MTG2: variants seen among roughly 807,000 people sequenced by gnomAD.
MTG2 encodes the protein mitochondrial ribosome-associated GTPase 2.
Under a neutral mutation model 28.6 loss-of-function variants are expected in MTG2, and 23 were observed. That is an observed-to-expected ratio of 0.80 (90% confidence interval 0.58 to 1.14). MTG2 has a LOEUF of 1.14. Ranked by LOEUF, MTG2 falls within the 50% of genes most tolerant of loss-of-function variation. The pLI is 0.00. For missense variants in MTG2, 539 were observed against 552.0 expected, an observed-to-expected ratio of 0.98 and a Z score of 0.24; for synonymous variants, 260 against 251.8, an observed-to-expected ratio of 1.03 and a Z score of -0.31.
chr20:62,186,631 C>T (rs979936984), intron 1 of MTG2, among the ~76,000 whole-genome samples: 11 of 149,314 alleles, frequency 7.4e-5, no homozygotes, highest in Non-Finnish European at 1.3e-4. Context: ...CAGGTTCAAG[C>T]GATTCTCCTG....
chr20:62,192,581 C>T (rs1403527800), intron 1 of MTG2, among the ~76,000 whole-genome samples: 1 of 152,036 alleles, frequency 6.6e-6, no homozygotes, highest in Non-Finnish European at 1.5e-5. Flanking sequence ...GGGGTGGGGC[C>T]GAAAGGTCCA....
Position 62,201,173 on chromosome 20 carries a change from G to C in MTG2, c.*96G>C. 2 of 1,396,670 alleles carry C rather than the reference G, an allele frequency of 1.4e-6. No individual in the cohort carries two copies. Among genetic ancestry groups the C allele is most frequent in the South Asian group, 1.5e-5 (1 of 67,412 alleles). The allele number at this position is 1,396,670 out of a possible 1,614,324, so 86.5% of individuals were successfully genotyped here. On this transcript the variant is annotated 3_prime_UTR_variant, in exon 7 of 7. Coordinates refer to ENST00000370823, the MANE Select transcript of MTG2 (RefSeq NM_015666.4). ...TGCATAAAGTGCCTTGTGGACACGG[G>C]GGAGTTGTGGTGCTTCTGGGTCTCT...
At chr20:62,192,841 G>A (rs2057986930) in intron 1 of MTG2, among the ~76,000 whole-genome samples, 1 of 152,222 alleles carries the variant, frequency 6.6e-6, no homozygotes, top group Admixed American at 6.5e-5. Context: ...CGGTGCCACA[G>A]CCAGGGCCGC....
chr20:62,199,374 G>GCA, intron 6 of MTG2, 117 bp downstream of exon 6: 1 of 1,330,328 alleles, frequency 7.5e-7, no homozygotes. Context: ...GGCCAGGCGT[G>GCA]GTGGCTCACA....
intron 3 of MTG2, 49 bp from the exon 4 acceptor site, chr20:62,197,803 C>T (rs1411088561): frequency 7.2e-6 from 11 of 1,529,356 alleles, no homozygotes; most frequent in Non-Finnish European, 1.0e-5. Context: ...CAGCAATAGG[C>T]CATGGTTGTC....
chr20:62,192,370 C>T (rs576779447), intron 1 of MTG2, among the ~76,000 whole-genome samples: 30 of 152,308 alleles, frequency 2.0e-4, no homozygotes, highest in Admixed American at 1.4e-3. Flanking sequence ...AGGAGGGGCA[C>T]GGGCGAGGCC....
At position 62,203,086 on chromosome 20, in the gene MTG2, C is replaced by T. The variant is rs552113097; in HGVS notation, c.*2009C>T. On this transcript the variant is annotated 3_prime_UTR_variant, in exon 7 of 7. Transcript: ENST00000370823. ...CATCTATTTGCTTTTTCTTTCAGGC[C>T]GCCACAAAGGATTTTGTGGAGTCGC... The T allele has an allele frequency of 2.0e-5, 3 of 152,202 alleles. No individual in the cohort carries two copies. The highest frequency in any genetic ancestry group is 4.8e-5 in the African/African-American group (2 of 41,452). 9.4% of individuals were successfully genotyped at this position (152,202 alleles called of 1,614,324 possible).
chr20:62,189,696 C>T (rs562961460), intron 1 of MTG2, among the ~76,000 whole-genome samples: 5 of 137,514 alleles, frequency 3.6e-5, no homozygotes, highest in African/African-American at 8.2e-5. Flanking sequence ...GATGGAGTCT[C>T]GCTCTGTCTT....
rs1237639217 is a variant in MTG2 at position 62,201,248 on chromosome 20, G to GC, written c.*176dup. Reference sequence around the variant, plus strand: ...GCCCTCATGTTGGGAAGCATTCCGTGCCCCCTACCCCGCCTGCCCTCCGTA... The same window carrying GC: ...GCCCTCATGTTGGGAAGCATTCCGTGCCCCCCTACCCCGCCTGCCCTCCGTA... On this transcript the variant is annotated 3_prime_UTR_variant, in exon 7 of 7. Transcript: ENST00000370823. 4 of 784,766 alleles carry GC rather than the reference G, an allele frequency of 5.1e-6. No homozygotes were observed. In the East Asian group the frequency reaches 1.1e-4, roughly 21 times the overall value. 48.6% of individuals were successfully genotyped at this position (784,766 alleles called of 1,614,324 possible). A position where few individuals can be genotyped will look rare whatever the true frequency, so the allele number is the denominator to read the frequency against.
chr20:62,199,003 AG>A (rs1371355614), intron 5 of MTG2, 115 bp from the exon 6 acceptor site: 3 of 1,551,786 alleles, frequency 1.9e-6, no homozygotes, highest in Admixed American at 3.5e-5. Flanking sequence ...CGTGAGCATG[AG>A]CCCTTGTGAC....
rs901993730 is a variant in MTG2 at position 62,193,300 on chromosome 20, CTTGT to C, written c.-5-109_-5-106del. 26 of 1,043,800 alleles carry C rather than the reference CTTGT, an allele frequency of 2.5e-5. No individual in the cohort carries two copies. The African/African-American group carries it at 2.5e-4, about 10-fold the overall frequency. 64.7% of individuals were successfully genotyped at this position (1,043,800 alleles called of 1,614,324 possible). A position where few individuals can be genotyped will look rare whatever the true frequency, so the allele number is the denominator to read the frequency against. ...CAGGAAAATCGGATTCATCAGTTCA[CTTGT>C]TTGTTTCAGAAACGTGCACAAAGAC... On this transcript the variant is annotated intron_variant, in intron 1 of 6. Transcript: ENST00000370823.
At chr20:62,187,592 A>T (rs544155575) in intron 1 of MTG2, among the ~76,000 whole-genome samples, 3 of 152,180 alleles carry the variant, frequency 2.0e-5, no homozygotes, top group Non-Finnish European at 2.9e-5. Context: ...TGTCCATTTC[A>T]TGTAAGTTGA....
At chr20:62,187,021 G>A (rs76129365) in intron 1 of MTG2, among the ~76,000 whole-genome samples, 3,862 of 152,248 alleles carry the variant, frequency 0.025, 181 homozygotes, top group African/African-American at 0.087. Context: ...ATTAGCTGTC[G>A]GCCGGCCCTA....
chr20:62,187,434 A>G (rs1364034533), intron 1 of MTG2, among the ~76,000 whole-genome samples: 1 of 152,184 alleles, frequency 6.6e-6, no homozygotes, highest in Non-Finnish European at 1.5e-5. Flanking sequence ...GGAATGTTAC[A>G]TGGAATTTAC....
chr20:62,185,188 C>T (rs1012643182), intron 1 of MTG2, among the ~76,000 whole-genome samples: 1 of 150,300 alleles, frequency 6.7e-6, no homozygotes, highest in Non-Finnish European at 1.5e-5. Context: ...CTGAGGTGGG[C>T]GGATCACGAG....
In MTG2 at chr20:62,193,470, G is replaced by T. The variant is rs148469091; in HGVS notation, c.50G>T (p.Gly17Val). 1.9e-6 allele frequency: 3 copies of T among 1,614,094 alleles called. No individual in the cohort carries two copies. In the African/African-American group the frequency reaches 4.0e-5, roughly 22 times the overall value. The change falls in exon 2 of 7, where the codon GGC becomes GTC. Residue 17 changes from glycine to valine, a missense_variant. Transcript: ENST00000370823. Reference sequence around the variant, plus strand: ...GCAAGATTGAGGACCGTGTTTCAGGGCGTGGGGCATTGGGCTTTGTCCACA... The same window carrying T: ...GCAAGATTGAGGACCGTGTTTCAGGTCGTGGGGCATTGGGCTTTGTCCACA... ...FSARLRTVFQGVGHWALSTWA... is the reference protein window; with the variant it reads ...FSARLRTVFQVVGHWALSTWA...
intron 6 of MTG2, among the ~76,000 whole-genome samples, chr20:62,199,735 C>A (rs1249078214): frequency 7.2e-6 from 1 of 139,202 alleles, no homozygotes; most frequent in Non-Finnish European, 1.5e-5. Context: ...CACTCTGTCA[C>A]CCTGGCTGGA....
intron 5 of MTG2, 111 bp from the exon 6 acceptor site, chr20:62,199,008 T>C (rs2058111696): frequency 1.9e-6 from 3 of 1,564,406 alleles, no homozygotes; most frequent in Admixed American, 3.4e-5. Flanking sequence ...GCATGAGCCC[T>C]TGTGACTCCC....
At chr20:62,187,977 A>G (rs1343176002) in intron 1 of MTG2, among the ~76,000 whole-genome samples, 1 of 151,938 alleles carries the variant, frequency 6.6e-6, no homozygotes, top group African/African-American at 2.4e-5. Context: ...TGCATCTCTT[A>G]AATTCTGGTA....
Sources: gnomAD v4.1 joint callset for allele counts (sites outside exome capture counted in the v4.1 genomes callset) on GRCh38, gnomAD v4.1.1 for gene constraint, MANE v1.5 for transcripts, NCBI Gene and HGNC (gene_info 2026-07-23, HGNC 2026-07-21) for gene names.